The following ATP8B3 variants were observed in gnomAD, a reference collection of about 807,000 sequenced individuals.
The protein encoded by ATP8B3 is phospholipid-transporting ATPase IK.
A neutral mutation model predicts 140.9 loss-of-function variants in ATP8B3; 141 were observed. The observed-to-expected ratio is 1.00, with a 90% CI of 0.87 to 1.15. ATP8B3 has a LOEUF of 1.15. Ranked by LOEUF, ATP8B3 falls within the 50% of genes most tolerant of loss-of-function variation. The pLI, the probability that ATP8B3 is intolerant of heterozygous loss-of-function variation, is 0.00. For synonymous variants in ATP8B3, 765 were observed against 714.6 expected (o/e 1.07, Z -1.13); for missense variants, 1,874 against 1,740.6 (o/e 1.08, Z -1.36).
chr19:1,801,953 C>T lies in ATP8B3; in HGVS notation c.1152+3G>A. On this transcript the variant is annotated splice_donor_region_variant and intron_variant, in intron 12 of 28. Transcript: ENST00000310127. Reference sequence around the variant, plus strand: ...GGGGCAGGGGCACTTGTTGGCAGCTCACCACAACCACCAGCTTGTTCATCA... The same window carrying T: ...GGGGCAGGGGCACTTGTTGGCAGCTTACCACAACCACCAGCTTGTTCATCA... The T allele has an allele frequency of 1.2e-6, 2 of 1,611,202 alleles. No individual in the cohort carries two copies. The highest frequency in any genetic ancestry group is 1.7e-6 in the Non-Finnish European group (2 of 1,178,472).
Position 1,796,005 on chromosome 19 carries a change from C to T in ATP8B3, c.1943-18G>A. 1 of 1,612,914 alleles carries T rather than the reference C, an allele frequency of 6.2e-7. No individual in the cohort carries two copies. On this transcript the variant is annotated intron_variant, in intron 17 of 28. Transcript: ENST00000310127. ...CTTTCGAACTGTGGGGGAACAGGCC[C>T]TGCTGCCCACAGAGGCTCCCCGTCT...
intron 18 of ATP8B3, among the ~76,000 whole-genome samples, chr19:1,793,471 G>T (rs1013750465): frequency 6.6e-6 from 1 of 152,244 alleles, no homozygotes; most frequent in African/African-American, 2.4e-5. Flanking sequence ...TCCCCAGCTG[G>T]GGCTCCCCCA....
rs552775345 is a variant in ATP8B3, at chr19:1,810,701, C to T, written c.249-18G>A. On this transcript the variant is annotated intron_variant, in intron 2 of 28. Coordinates refer to ENST00000310127, the MANE Select transcript of ATP8B3 (RefSeq NM_138813.4). ...TGGTGGGGCTGTGGGAGAGAAGGGC[C>T]CCGGGTCACAGCAGTGACCCCAGCC... The T allele has an allele frequency of 1.1e-5, 17 of 1,609,706 alleles. No homozygotes were observed. The East Asian group carries it at 3.8e-4, about 36-fold the overall frequency.
At chr19:1,810,258 C>A (rs1048089984) in intron 3 of ATP8B3, among the ~76,000 whole-genome samples, 3 of 152,170 alleles carry the variant, frequency 2.0e-5, no homozygotes, top group Non-Finnish European at 4.4e-5. Context: ...CTCAGCCCTG[C>A]ACTTTTTTCT....
rs2069192695 is a variant in ATP8B3 at position 1,811,665 on chromosome 19, T to G, written c.72A>C (p.Gly24=). The G allele has an allele frequency of 6.2e-7, 1 of 1,610,118 alleles. No homozygotes were observed. Among genetic ancestry groups the G allele is most frequent in the South Asian group, 1.1e-5 (1 of 91,044 alleles). ...CGTCTGAGTCACCCGTGTCCCCAGG[T>G]CCTGGTGGGGCAGGGCTTGGCTCAG... The part of the protein sequence containing the change: ...AGPEPSPAPP[G]PGDTGDSDVT... Residue 24 remains glycine (G), a synonymous_variant, in exon 2 of 29, where the codon GGA becomes GGC. Transcript: ENST00000310127.
rs377095403 is a variant in ATP8B3, at chr19:1,788,991, C to T, written c.2975G>A (p.Arg992Gln). ...GAAGTAGCGCAGGAACTTGCAGATC[C>T]GCACGTAGGACCAGCGGCCGTGCAC... Reference protein sequence around the residue: ...LLVHGRWSYVRICKFLRYFFY... With the variant: ...LLVHGRWSYVQICKFLRYFFY... Residue 992 changes from arginine to glutamine, a missense_variant, in exon 24 of 29, where the codon CGG (arginine) becomes CAG (glutamine). Coordinates refer to ENST00000310127, the MANE Select transcript of ATP8B3 (RefSeq NM_138813.4). The T allele has an allele frequency of 8.1e-6, 13 of 1,610,472 alleles. No homozygotes were observed. The highest frequency in any genetic ancestry group is 2.2e-5 in the East Asian group (1 of 44,796).
intron 11 of ATP8B3, 76 bp downstream of exon 11, chr19:1,802,411 A>ACCCCCCCCCCCCCCCC: frequency 5.4e-6 from 1 of 183,862 alleles, no homozygotes; most frequent in Non-Finnish European, 1.1e-5. Context: ...CCACCTACCC[A>ACCCCCCCCCCCCCCCC]CCCACCCATC....
rs1159792305 is a variant in ATP8B3, at chr19:1,800,573, A to G, written c.1153-124T>C. 3.5e-6 allele frequency: 3 copies of G among 865,012 alleles called. No individual in the cohort carries two copies. In the Admixed American group the frequency reaches 7.8e-5, roughly 23 times the overall value. 53.6% of individuals were successfully genotyped at this position (865,012 alleles called of 1,614,324 possible). A position where few individuals can be genotyped will look rare whatever the true frequency, so the allele number is the denominator to read the frequency against. ...AGTGGCTCATGCCTGTAATCTCAGC[A>G]CTTCAGGAGGCTAAGGCAGGCGGAT... On this transcript the variant is annotated intron_variant, in intron 12 of 28. Coordinates refer to ENST00000310127, the MANE Select transcript of ATP8B3 (RefSeq NM_138813.4). The surrounding 1 kb of genome is among the most constrained non-coding windows in gnomAD (Gnocchi z 4.4).
At position 1,800,339 on chromosome 19, in the gene ATP8B3, G is replaced by A. The variant is rs757499301; in HGVS notation, c.1263C>T (p.Ser421=). 59 of 1,612,896 alleles carry A rather than the reference G, an allele frequency of 3.7e-5. No individual in the cohort carries two copies. The highest frequency in any genetic ancestry group is 9.3e-5 in the African/African-American group (7 of 75,020). The part of the protein sequence containing the change: ...HYYLSGVHGS[S]VAAESFFVFW... ...AGACGAAGAAGGACTCTGCGGCCAC[G>A]CTGCTCCCATGCACCCCCGAGAGGT... The change falls in exon 13 of 29, where the codon AGC becomes AGT. Residue 421 remains serine, a synonymous_variant. Transcript: ENST00000310127. The surrounding 1 kb of genome is among the most constrained non-coding windows in gnomAD (Gnocchi z 4.4).
chr19:1,808,215 G>T lies in ATP8B3; in HGVS notation c.516+7C>A. 1 of 1,601,730 alleles carries T rather than the reference G, an allele frequency of 6.2e-7. No homozygotes were observed. The highest frequency in any genetic ancestry group is 8.5e-7 in the Non-Finnish European group (1 of 1,170,708). On this transcript the variant is annotated splice_region_variant and intron_variant, in intron 5 of 28. Coordinates refer to ENST00000310127, the MANE Select transcript of ATP8B3 (RefSeq NM_138813.4). The stretch of plus-strand genomic sequence containing the variant: ...GGGGACTTCCTGGAGGAGGCAACAC[G>T]CCTCACCTGCAGGATGATGATGATG...
intron 17 of ATP8B3, 22 bp downstream of exon 17, chr19:1,796,055 G>C (rs2068661653): frequency 6.2e-7 from 1 of 1,612,072 alleles, no homozygotes; most frequent in African/African-American, 1.3e-5. Flanking sequence ...GGGGGGCCCA[G>C]GGCTTGGGTG....
At chr19:1,797,164 G>A (rs924045046) in intron 14 of ATP8B3, among the ~76,000 whole-genome samples, 159 bp from the exon 15 acceptor site, 1 of 152,228 alleles carries the variant, frequency 6.6e-6, no homozygotes, top group African/African-American at 2.4e-5. Context: ...ATCTTGGGGC[G>A]AAAGCTGACC....
chr19:1,801,650 G>A (rs920552012), intron 12 of ATP8B3, among the ~76,000 whole-genome samples: 1 of 152,120 alleles, frequency 6.6e-6, no homozygotes, highest in African/African-American at 2.4e-5. Context: ...TACTCGAGGG[G>A]CTGAGGCAGG....
intron 1 of ATP8B3, 128 bp from the exon 2 acceptor site, chr19:1,812,012 A>T: frequency 2.2e-6 from 1 of 458,026 alleles, no homozygotes; most frequent in Non-Finnish European, 3.9e-6. Flanking sequence ...CGCCCTGGAC[A>T]GGGCTCCAGA....
At chr19:1,785,946 C>G (rs563589468) in intron 25 of ATP8B3, among the ~76,000 whole-genome samples, 57 of 151,886 alleles carry the variant, frequency 3.8e-4, no homozygotes, top group Non-Finnish European at 8.8e-5. Context: ...GCCTGGACAA[C>G]ATAGTGAAAC....
chr19:1,810,450 A>G (rs1466792674), intron 3 of ATP8B3, among the ~76,000 whole-genome samples, 172 bp downstream of exon 3: 2 of 152,100 alleles, frequency 1.3e-5, no homozygotes, highest in Non-Finnish European at 2.9e-5. Flanking sequence ...TACTTTTAGT[A>G]GAAACGGGGT....
chr19:1,806,807 C>T lies in ATP8B3; in HGVS notation c.616-118G>A. ...GCAACACGGGGTCCCTGTCCGCTGGCCCCACGCCACGTTGCGTCTGCTCAG... is the reference window on the plus strand; with the variant it reads ...GCAACACGGGGTCCCTGTCCGCTGGTCCCACGCCACGTTGCGTCTGCTCAG... On this transcript the variant is annotated intron_variant, in intron 6 of 28. Coordinates refer to ENST00000310127, the MANE Select transcript of ATP8B3 (RefSeq NM_138813.4). The surrounding 1 kb of genome is among the most constrained non-coding windows in gnomAD (Gnocchi z 5.6). The T allele has an allele frequency of 8.8e-7, 1 of 1,140,564 alleles. No individual in the cohort carries two copies. The highest frequency in any genetic ancestry group is 2.1e-5 in the Admixed American group (1 of 48,370). 70.7% of individuals were successfully genotyped at this position (1,140,564 alleles called of 1,614,324 possible).
intron 18 of ATP8B3, among the ~76,000 whole-genome samples, chr19:1,792,695 T>G (rs1036320145): frequency 6.6e-6 from 1 of 151,782 alleles, no homozygotes; most frequent in African/African-American, 2.4e-5. Context: ...GCGGATCACT[T>G]GAGGCCAGGA....
intron 2 of ATP8B3, among the ~76,000 whole-genome samples, chr19:1,811,248 TG>T (rs1430004496): frequency 2.0e-5 from 3 of 152,004 alleles, no homozygotes; most frequent in African/African-American, 7.3e-5. Context: ...CAAACTCTGA[TG>T]GGGGCGATGG....
Sources: gnomAD v4.1 joint callset for allele counts (sites outside exome capture counted in the v4.1 genomes callset) on GRCh38, gnomAD v4.1.1 for gene constraint, Gnocchi (gnomAD v3.1) non-coding constraint, MANE v1.5 for transcripts, NCBI Gene and HGNC (gene_info 2026-07-23, HGNC 2026-07-21) for gene names.